Variants in ADGRV1 observed in about 807,000 individuals in gnomAD.
ADGRV1 encodes adhesion G protein-coupled receptor V1, also known as G-protein coupled receptor 98.
In ADGRV1, 359 loss-of-function variants were observed where a neutral mutation model predicts 596.2. The ratio of observed to expected loss-of-function variants is 0.60; its 90% confidence interval spans 0.55 to 0.66. The LOEUF is 0.66. Ranked by LOEUF, ADGRV1 falls within the 30% of genes least tolerant of loss-of-function variation. ADGRV1 has a pLI of 0.00. For synonymous variants in ADGRV1, 2,681 were observed against 2,679.2 expected (o/e 1.00, Z -0.02); for missense variants, 7,274 against 7,575.6 (o/e 0.96, Z 1.48).
At chr5:90,686,164 G>C (rs533315787) in intron 29 of ADGRV1, among the ~76,000 whole-genome samples, 169 bp downstream of exon 29, 8 of 145,214 alleles carry the variant, frequency 5.5e-5, no homozygotes, top group Admixed American at 1.4e-4. Context: ...TTTTTTTTTG[G>C]GGGGGGGGAT....
chr5:90,978,220 G>A (rs551537199), intron 84 of ADGRV1, among the ~76,000 whole-genome samples: 96 of 152,014 alleles, frequency 6.3e-4, no homozygotes, highest in African/African-American at 2.2e-3. Context: ...GCGTGAACCC[G>A]GGAGGCGGAG....
At chr5:91,153,442 C>A in intron 89 of ADGRV1, 44 bp downstream of exon 89, 1 of 1,367,918 alleles carries the variant, frequency 7.3e-7, no homozygotes, top group Non-Finnish European at 9.9e-7. Flanking sequence ...GGCACTCTTG[C>A]TATGTTACAA....
chr5:90,595,449 C>A (rs1480204255), intron 1 of ADGRV1, among the ~76,000 whole-genome samples: 1 of 57,552 alleles, frequency 1.7e-5, no homozygotes, highest in African/African-American at 7.4e-5. Context: ...GACCCCCCCA[C>A]CTCCTTCCCG....
chr5:90,854,305 A>T (rs1766816914), intron 81 of ADGRV1, 104 bp downstream of exon 81: 2 of 741,140 alleles, frequency 2.7e-6, no homozygotes, highest in Non-Finnish European at 4.2e-6. Flanking sequence ...CCCAGATGAC[A>T]TTAGACTGGA....
chr5:91,069,496 A>G (rs1788184222), intron 85 of ADGRV1, among the ~76,000 whole-genome samples: 1 of 152,208 alleles, frequency 6.6e-6, no homozygotes, highest in Admixed American at 6.5e-5. Context: ...CAGCCAACAA[A>G]CATATGATAA....
At chr5:91,120,575 C>T (rs1808084) in intron 87 of ADGRV1, among the ~76,000 whole-genome samples, 87,418 of 151,842 alleles carry the variant, frequency 0.58, 27,613 homozygotes, top group South Asian at 0.72. Context: ...CTTTTGGACC[C>T]CTTTTCTGAA....
chr5:90,912,144 A>G (rs1772944386), intron 83 of ADGRV1, among the ~76,000 whole-genome samples: 1 of 152,104 alleles, frequency 6.6e-6, no homozygotes, highest in Non-Finnish European at 1.5e-5. Flanking sequence ...CAGTATGATT[A>G]CGTGGAAAAG....
Position 90,853,506 on chromosome 5 carries a change from A to G in ADGRV1, c.17427A>G (p.Gly5809=), listed in dbSNP as rs1766731384. The part of the protein sequence containing the change: ...EYSSQQWFIS[G]NNLPTLKNKV... ...GCAGCCAACAGTGGTTTATAAGTGGAAACAATCTTCCTACCCTAAAAAATA... is the reference window on the plus strand; with the variant it reads ...GCAGCCAACAGTGGTTTATAAGTGGGAACAATCTTCCTACCCTAAAAAATA... Residue 5809 remains glycine (G), a synonymous_variant, in exon 80 of 90, where the codon GGA becomes GGG. Transcript: ENST00000405460. 2 of 1,612,206 alleles carry G rather than the reference A, an allele frequency of 1.2e-6. No individual in the cohort carries two copies. The highest frequency in any genetic ancestry group is 2.7e-5 in the African/African-American group (2 of 74,882).
At chr5:90,720,857 G>C in intron 44 of ADGRV1, 78 bp from the exon 45 acceptor site, 1 of 1,193,604 alleles carries the variant, frequency 8.4e-7, no homozygotes, top group South Asian at 1.8e-5. Context: ...TTAAGTATAT[G>C]CTAGCAATAT....
chr5:90,971,758 T>C (rs1779034957), intron 84 of ADGRV1, among the ~76,000 whole-genome samples: 1 of 152,116 alleles, frequency 6.6e-6, no homozygotes, highest in Non-Finnish European at 1.5e-5. Flanking sequence ...TGACAAATTG[T>C]AAAGACCATC....
chr5:90,738,839 C>T (rs1384414672), intron 50 of ADGRV1, among the ~76,000 whole-genome samples: 1 of 152,018 alleles, frequency 6.6e-6, no homozygotes, highest in Non-Finnish European at 1.5e-5. Context: ...TTGTCTTTCC[C>T]CAGATTTAGG....
At chr5:90,768,400 C>G (rs1757360086) in intron 59 of ADGRV1, among the ~76,000 whole-genome samples, 1 of 152,168 alleles carries the variant, frequency 6.6e-6, no homozygotes, top group Non-Finnish European at 1.5e-5. Context: ...TCTCTCAGTT[C>G]TACTTATGGC....
intron 42 of ADGRV1, among the ~76,000 whole-genome samples, chr5:90,713,203 T>A (rs1749622419): frequency 6.6e-6 from 1 of 152,122 alleles, no homozygotes; most frequent in Non-Finnish European, 1.5e-5. Flanking sequence ...ATATTTGCAT[T>A]CCTGAATTAT....
rs150873353 is a variant in ADGRV1 at position 91,013,362 on chromosome 5, C to G, written c.18152+27840C>G. On this transcript the variant is annotated intron_variant, in intron 85 of 89. Coordinates refer to ENST00000405460, the MANE Select transcript of ADGRV1 (RefSeq NM_032119.4). ...TAATTGTCCCCTTTTCTTGGCAACC[C>G]TGACAGCATCTGTTATTTTTTGCCT... 6.5e-3 allele frequency among the ~76,000 whole-genome samples: 988 copies of G among 152,116 alleles called. 6 individuals are homozygous for G. The highest frequency in any genetic ancestry group is 0.021 in the African/African-American group (879 of 41,532).
intron 87 of ADGRV1, among the ~76,000 whole-genome samples, chr5:91,120,161 C>T (rs2367283): frequency 0.58 from 87,478 of 151,958 alleles, 27,635 homozygotes; most frequent in South Asian, 0.72. Flanking sequence ...TCGCCTGGAG[C>T]ACGTGGTCAA....
chr5:90,592,426 A>G (rs1759630472), intron 1 of ADGRV1, among the ~76,000 whole-genome samples: 1 of 152,272 alleles, frequency 6.6e-6, no homozygotes, highest in Non-Finnish European at 1.5e-5. Context: ...ACGAAAAGGC[A>G]TAAGAATGAT....
chr5:90,690,703 G>A (rs1459412179), intron 30 of ADGRV1, 94 bp from the exon 31 acceptor site: 19 of 1,255,512 alleles, frequency 1.5e-5, no homozygotes, highest in Non-Finnish European at 2.1e-5. Flanking sequence ...ATTGCTTAGG[G>A]GGGAAGAGAA....
intron 83 of ADGRV1, among the ~76,000 whole-genome samples, chr5:90,957,814 A>G (rs554170015): frequency 2.1e-4 from 32 of 151,648 alleles, no homozygotes; most frequent in South Asian, 1.7e-3. Flanking sequence ...ATAGTAAAGT[A>G]TGTTATTGTG....
At chr5:90,579,952 T>C (rs1033821330) in intron 1 of ADGRV1, among the ~76,000 whole-genome samples, 3 of 152,194 alleles carry the variant, frequency 2.0e-5, no homozygotes, top group African/African-American at 7.2e-5. Context: ...TTTTTTGCTT[T>C]CCATTTGCTT....
Sources: gnomAD v4.1 joint callset for allele counts (sites outside exome capture counted in the v4.1 genomes callset) on GRCh38, gnomAD v4.1.1 for gene constraint, MANE v1.5 for transcripts, NCBI Gene and HGNC (gene_info 2026-07-23, HGNC 2026-07-21) for gene names.